The following ARHGAP22 variants were observed in gnomAD, a reference collection of about 807,000 sequenced individuals.
The protein encoded by ARHGAP22 is Rho GTPase activating protein 22, also known as rho GTPase-activating protein 22.
Under a neutral mutation model 59.1 loss-of-function variants are expected in ARHGAP22, and 48 were observed. That is an observed-to-expected ratio of 0.81 (90% CI 0.64 to 1.03). ARHGAP22 has a LOEUF of 1.03. ARHGAP22 is among the 50% of genes least tolerant of loss of function. The pLI is 0.00. For synonymous variants in ARHGAP22, 445 were observed against 416.4 expected, an observed-to-expected ratio of 1.07 and a Z score of -0.84; for missense variants, 1,015 against 958.7, an observed-to-expected ratio of 1.06 and a Z score of -0.78.
intron 2 of ARHGAP22, among the ~76,000 whole-genome samples, chr10:48,567,586 G>C (rs1030005746): frequency 6.6e-6 from 1 of 152,202 alleles, no homozygotes; most frequent in African/African-American, 2.4e-5. Context: ...CAGACCATTA[G>C]TGTCATCAAA....
chr10:48,555,813 C>T (rs941401784), intron 2 of ARHGAP22, among the ~76,000 whole-genome samples: 1 of 152,134 alleles, frequency 6.6e-6, no homozygotes, highest in African/African-American at 2.4e-5. Context: ...AACTCTGGAG[C>T]AGGGAGGGAG....
At chr10:48,624,492 C>G (rs1451815629) in intron 1 of ARHGAP22, 1 of 152,244 alleles carries the variant, frequency 6.6e-6, no homozygotes, top group Non-Finnish European at 1.5e-5. Flanking sequence ...AGGTCATTTT[C>G]TGGGAATATG....
At chr10:48,629,218 G>A (rs1405083840) in intron 1 of ARHGAP22, among the ~76,000 whole-genome samples, 2 of 152,140 alleles carry the variant, frequency 1.3e-5, no homozygotes, top group African/African-American at 4.8e-5. Flanking sequence ...TGGTCTTCTT[G>A]CCCCAACTTA....
rs141799273 is a variant in ARHGAP22 at position 48,459,850 on chromosome 10, G to A, written c.493C>T (p.Arg165Trp). 26 of 1,613,086 alleles carry A rather than the reference G, an allele frequency of 1.6e-5. 1 individual carries two copies. Among genetic ancestry groups the A allele is most frequent in the South Asian group, 4.4e-5 (4 of 91,086 alleles). Residue 165 changes from arginine to tryptophan, a missense_variant, in exon 5 of 10, where the codon CGG becomes TGG. Coordinates refer to ENST00000249601, the MANE Select transcript of ARHGAP22 (RefSeq NM_021226.4). Reference sequence around the variant, plus strand: ...GGCGCCAGGCGGGGGCCATACTTCCGCTCGTGGTGGACTGTTTCCTCTAGG... The same window carrying A: ...GGCGCCAGGCGGGGGCCATACTTCCACTCGTGGTGGACTGTTTCCTCTAGG... ...QRLEETVHHE[R>W]KYGPRLAPLL...
At chr10:48,551,005 C>T (rs2056852296) in intron 3 of ARHGAP22, among the ~76,000 whole-genome samples, 1 of 152,218 alleles carries the variant, frequency 6.6e-6, no homozygotes, top group Non-Finnish European at 1.5e-5. Context: ...CTGTGGCCCT[C>T]ACGGACTGGG....
At chr10:48,614,677 G>C (rs542524881) in intron 1 of ARHGAP22, among the ~76,000 whole-genome samples, 2 of 152,296 alleles carry the variant, frequency 1.3e-5, no homozygotes, top group African/African-American at 4.8e-5. Context: ...TGCTTAATCA[G>C]GAAAACCCAG....
chr10:48,638,342 C>G (rs572897009), intron 1 of ARHGAP22, among the ~76,000 whole-genome samples: 1 of 152,242 alleles, frequency 6.6e-6, no homozygotes, highest in East Asian at 1.9e-4. Flanking sequence ...TGCCATTGTT[C>G]CACCTTCCCA....
At chr10:48,488,530 A>G (rs2050065765) in intron 3 of ARHGAP22, among the ~76,000 whole-genome samples, 1 of 152,212 alleles carries the variant, frequency 6.6e-6, no homozygotes, top group Non-Finnish European at 1.5e-5. Flanking sequence ...ATTCTTGGAA[A>G]GAGTTTGATC....
At chr10:48,579,859 T>C (rs2059001072) in intron 2 of ARHGAP22, among the ~76,000 whole-genome samples, 1 of 152,214 alleles carries the variant, frequency 6.6e-6, no homozygotes. Context: ...GTCTATTACA[T>C]GCCGTTCATG....
At chr10:48,516,409 T>C (rs1309336493) in intron 3 of ARHGAP22, among the ~76,000 whole-genome samples, 1 of 152,056 alleles carries the variant, frequency 6.6e-6, no homozygotes, top group Non-Finnish European at 1.5e-5. Flanking sequence ...TGTGCTTGAC[T>C]CCCACCTACT....
intron 3 of ARHGAP22, among the ~76,000 whole-genome samples, chr10:48,512,097 G>A (rs2134562010): frequency 6.6e-6 from 1 of 152,324 alleles, no homozygotes. Context: ...GCCACAATGG[G>A]GAAGTTTGTA....
chr10:48,608,809 A>C (rs1225444547), upstream of ARHGAP22, among the ~76,000 whole-genome samples: 1 of 152,246 alleles, frequency 6.6e-6, no homozygotes, highest in Non-Finnish European at 1.5e-5. Flanking sequence ...TAGCAAGAAC[A>C]TCATTAGAAA....
At chr10:48,435,868 G>T in the ARHGAP22 span, 1 of 152,210 alleles carries the variant, frequency 6.6e-6, no homozygotes, top group African/African-American at 2.4e-5. Flanking sequence ...TAAACAGATG[G>T]TTCACTTCTA....
intron 3 of ARHGAP22, chr10:48,524,017 C>T: frequency 1.4e-6 from 2 of 1,453,572 alleles, no homozygotes; most frequent in Admixed American, 4.6e-5. Context: ...TGGCGGCGGC[C>T]GCAGGGAGCG....
At chr10:48,609,854 T>C (rs755431879), upstream of ARHGAP22, among the ~76,000 whole-genome samples, 1 of 152,210 alleles carries the variant, frequency 6.6e-6, no homozygotes, top group Non-Finnish European at 1.5e-5. Context: ...ATATCATCTA[T>C]ATACGAAACC....
chr10:48,450,675 G>A lies in ARHGAP22; in HGVS notation c.1454C>T (p.Ser485Phe). 6.4e-7 allele frequency: 1 copy of A among 1,550,730 alleles called. No individual in the cohort carries two copies. Among genetic ancestry groups the A allele is most frequent in the Non-Finnish European group, 8.7e-7 (1 of 1,147,228 alleles). The change falls in exon 9 of 10, where the codon TCC (serine) becomes TTC (phenylalanine). Residue 485 changes from serine to phenylalanine, a missense_variant. By Grantham distance (155) the Ser-to-Phe change is radical (BLOSUM62 -2). Coordinates refer to ENST00000249601, the MANE Select transcript of ARHGAP22 (RefSeq NM_021226.4). The stretch of plus-strand genomic sequence containing the variant: ...GTCGTAGGTGGAGAGTCTCTGCACG[G>A]AGCCCGAGTCCTTGAGCCGGTCTCC... ...SSGDRLKDSG[S>F]VQRLSTYDNV...
In ARHGAP22 at chr10:48,541,828, G is replaced by A. The variant is rs531671857; in HGVS notation, c.322+13635C>T. 2.0e-3 allele frequency among the ~76,000 whole-genome samples: 298 copies of A among 152,352 alleles called. 2 individuals carry two copies. The highest frequency in any genetic ancestry group is 6.9e-3 in the African/African-American group (286 of 41,578). On this transcript the variant is annotated intron_variant, in intron 3 of 9. Coordinates refer to ENST00000249601, the MANE Select transcript of ARHGAP22 (RefSeq NM_021226.4). Reference sequence around the variant, plus strand: ...ATCACCTAATTGGGACCCTGGCCTCGATCTGCAAGGATGAAGGTGCAGGCC... The same window carrying A: ...ATCACCTAATTGGGACCCTGGCCTCAATCTGCAAGGATGAAGGTGCAGGCC...
At chr10:48,600,129 G>A (rs1308429323) in intron 1 of ARHGAP22, among the ~76,000 whole-genome samples, 1 of 152,174 alleles carries the variant, frequency 6.6e-6, no homozygotes, top group Non-Finnish European at 1.5e-5. Flanking sequence ...ATTAAAATAG[G>A]ACATTTGCAT....
chr10:48,639,545 C>T (rs866744731), intron 1 of ARHGAP22, among the ~76,000 whole-genome samples: 1 of 152,174 alleles, frequency 6.6e-6, no homozygotes, highest in Non-Finnish European at 1.5e-5. Flanking sequence ...TGACATCTGT[C>T]TCATCACTGG....
Sources: allele counts gnomAD v4.1 joint callset (sites outside exome capture counted in the v4.1 genomes callset), GRCh38; gene constraint gnomAD v4.1.1; transcripts MANE v1.5; gene names NCBI Gene and HGNC (gene_info 2026-07-23, HGNC 2026-07-21).